DIAPH3: variants seen among roughly 807,000 people sequenced by gnomAD.
The protein encoded by DIAPH3 is diaphanous related formin 3, also known as protein diaphanous homolog 3.
A neutral mutation model predicts 144.3 loss-of-function variants in DIAPH3; 117 were observed. The ratio of observed to expected loss-of-function variants is 0.81; its 90% CI spans 0.70 to 0.95. DIAPH3 has a LOEUF of 0.95. Ranked by LOEUF, DIAPH3 falls within the 40% of genes least tolerant of loss-of-function variation. The probability of loss-of-function intolerance (pLI) is 0.00; values close to 1 mark genes in which losing one functional copy is unlikely to be tolerated. For missense variants in DIAPH3, 1,421 were observed against 1,412.7 expected, an observed-to-expected ratio of 1.01 and a Z score of -0.09; for synonymous variants, 519 against 488.9, an observed-to-expected ratio of 1.06 and a Z score of -0.81.
chr13:59,875,017 T>G (rs2044526471), intron 21 of DIAPH3, among the ~76,000 whole-genome samples: 1 of 152,176 alleles, frequency 6.6e-6, no homozygotes, highest in Non-Finnish European at 1.5e-5. Flanking sequence ...TGAACTTTGA[T>G]GGTTGGGTCA....
chr13:60,136,107 A>G (rs1316567560), intron 1 of DIAPH3, among the ~76,000 whole-genome samples: 5 of 152,222 alleles, frequency 3.3e-5, no homozygotes, highest in African/African-American at 9.6e-5. Context: ...GAAAATGACT[A>G]ACTAAATCCT....
At chr13:59,909,342 G>GTT (rs60579690) in intron 20 of DIAPH3, among the ~76,000 whole-genome samples, 27 of 126,806 alleles carry the variant, frequency 2.1e-4, no homozygotes, top group Admixed American at 5.5e-4. Flanking sequence ...CCAGTATTTT[G>GTT]TTTTTTTTTT....
chr13:59,828,788 C>T (rs1200386877), intron 24 of DIAPH3, among the ~76,000 whole-genome samples: 1 of 151,762 alleles, frequency 6.6e-6, no homozygotes. Context: ...AATTACAATG[C>T]AAACTTACTC....
At chr13:59,942,872 T>C (rs1053119780) in intron 17 of DIAPH3, among the ~76,000 whole-genome samples, 4 of 152,208 alleles carry the variant, frequency 2.6e-5, no homozygotes, top group Non-Finnish European at 5.9e-5. Context: ...TCAACAACAT[T>C]TGTTTTAACA....
chr13:60,119,357 C>A (rs533490788), intron 2 of DIAPH3, among the ~76,000 whole-genome samples: 1 of 152,166 alleles, frequency 6.6e-6, no homozygotes, highest in South Asian at 2.1e-4. Flanking sequence ...GACTGTAGCT[C>A]CAGCCAACAT....
rs77057181 is a variant in DIAPH3, at chr13:60,150,609, C to T, written c.180+12978G>A. Among the ~76,000 whole-genome samples, 218 of 152,196 alleles carry T rather than the reference C, an allele frequency of 1.4e-3. 1 individual carries two copies. Among genetic ancestry groups the T allele is most frequent in the Non-Finnish European group, 2.6e-3 (177 of 68,014 alleles). On this transcript the variant is annotated intron_variant, in intron 1 of 27. Coordinates refer to ENST00000400324, the MANE Select transcript of DIAPH3 (RefSeq NM_001042517.2). ...GCCCGTTGTATGAGCTGAACAAATG[C>T]GGTTATTGTGATGATGATTGTTATC...
At chr13:59,883,222 C>T (rs964964026) in intron 20 of DIAPH3, among the ~76,000 whole-genome samples, 1 of 152,090 alleles carries the variant, frequency 6.6e-6, no homozygotes, top group Non-Finnish European at 1.5e-5. Flanking sequence ...GAAAGGTCCC[C>T]AGGAAGATGT....
intron 27 of DIAPH3, chr13:59,695,991 C>T (rs763539322): frequency 1.3e-5 from 2 of 152,064 alleles, no homozygotes; most frequent in Non-Finnish European, 2.9e-5. Flanking sequence ...TAACATACAC[C>T]GTTATATTCC....
chr13:59,854,705 A>T (rs542960169), intron 22 of DIAPH3, among the ~76,000 whole-genome samples: 1 of 152,316 alleles, frequency 6.6e-6, no homozygotes, highest in East Asian at 1.9e-4. Context: ...AACCTTGGTC[A>T]TCACTGGTGA....
intron 27 of DIAPH3, among the ~76,000 whole-genome samples, chr13:59,755,144 A>G (rs1239263346): frequency 6.6e-6 from 1 of 152,184 alleles, no homozygotes; most frequent in African/African-American, 2.4e-5. Context: ...TTCAAACTAC[A>G]TGGTGTCAGA....
chr13:59,793,456 TC>T (rs1447999706), intron 25 of DIAPH3, among the ~76,000 whole-genome samples: 2 of 152,228 alleles, frequency 1.3e-5, no homozygotes, highest in Non-Finnish European at 2.9e-5. Flanking sequence ...TTTACGCTAT[TC>T]TTTGAGCTAA....
At chr13:60,062,699 GA>G (rs2056819678) in intron 4 of DIAPH3, among the ~76,000 whole-genome samples, 1 of 152,132 alleles carries the variant, frequency 6.6e-6, no homozygotes, top group Non-Finnish European at 1.5e-5. Flanking sequence ...AAAGCAGATA[GA>G]TATTACAAAA....
intron 27 of DIAPH3, among the ~76,000 whole-genome samples, chr13:59,721,837 T>C (rs1335623427): frequency 6.6e-6 from 1 of 152,136 alleles, no homozygotes; most frequent in Non-Finnish European, 1.5e-5. Context: ...CCAGTCCCAC[T>C]GGGTTGCTTG....
At chr13:60,068,499 T>TA (rs1566734242) in intron 4 of DIAPH3, among the ~76,000 whole-genome samples, 1 of 152,172 alleles carries the variant, frequency 6.6e-6, no homozygotes, top group African/African-American at 2.4e-5. Flanking sequence ...TCTTTTTTTT[T>TA]ATTCCAACAT....
chr13:59,682,721 T>C (rs1370560435), intron 27 of DIAPH3, among the ~76,000 whole-genome samples: 1 of 152,172 alleles, frequency 6.6e-6, no homozygotes, highest in Non-Finnish European at 1.5e-5. Flanking sequence ...TCTGAATCAT[T>C]GTCTATAATA....
At chr13:59,927,467 T>C (rs192154601) in intron 17 of DIAPH3, among the ~76,000 whole-genome samples, 10 of 152,308 alleles carry the variant, frequency 6.6e-5, no homozygotes, top group Admixed American at 2.6e-4. Context: ...CCTTTCTCAT[T>C]TGTGTGTCTG....
intron 1 of DIAPH3, among the ~76,000 whole-genome samples, chr13:60,159,805 A>C (rs1416135823): frequency 1.3e-5 from 2 of 152,184 alleles, no homozygotes; most frequent in Non-Finnish European, 2.9e-5. Context: ...GGTTGTTCTA[A>C]GAATTAAAGG....
intron 27 of DIAPH3, among the ~76,000 whole-genome samples, chr13:59,730,726 T>C (rs978278221): frequency 1.3e-5 from 2 of 152,226 alleles, no homozygotes; most frequent in South Asian, 2.1e-4. Flanking sequence ...TTTTGTTACA[T>C]TGGCAAGTTA....
intron 20 of DIAPH3, among the ~76,000 whole-genome samples, chr13:59,880,727 G>C (rs2044965231): frequency 6.6e-6 from 1 of 151,926 alleles, no homozygotes; most frequent in Non-Finnish European, 1.5e-5. Flanking sequence ...AACTCTGAGA[G>C]AATATTTTCA....
Sources: allele counts gnomAD v4.1 joint callset (sites outside exome capture counted in the v4.1 genomes callset), GRCh38; gene constraint gnomAD v4.1.1; transcripts MANE v1.5; gene names NCBI Gene and HGNC (gene_info 2026-07-23, HGNC 2026-07-21).